The following RABGAP1L variants were observed in gnomAD, a reference collection of about 807,000 sequenced individuals.
RABGAP1L encodes rab GTPase-activating protein 1-like.
In RABGAP1L, 63 loss-of-function variants were observed where a neutral mutation model predicts 137.7. The observed-to-expected ratio is 0.46, with a 90% CI of 0.37 to 0.56. RABGAP1L has a LOEUF of 0.56. RABGAP1L is among the 20% of genes least tolerant of loss of function. RABGAP1L has a pLI of 0.00. For synonymous variants in RABGAP1L, 431 were observed against 433.7 expected, an observed-to-expected ratio of 0.99 and a Z score of 0.08; for missense variants, 1,095 against 1,244.0, an observed-to-expected ratio of 0.88 and a Z score of 1.80.
At position 174,639,622 on chromosome 1, in the gene RABGAP1L, A is replaced by G. The variant is rs1161131734; in HGVS notation, c.1824+2134A>G. ...TCAGCTTTTCTCTGATTGATACTAGATACTTTCTTCACATAACTAAAACAG... is the reference window on the plus strand; with the variant it reads ...TCAGCTTTTCTCTGATTGATACTAGGTACTTTCTTCACATAACTAAAACAG... On this transcript the variant is annotated intron_variant, in intron 14 of 25. Coordinates refer to ENST00000681986, the MANE Select transcript of RABGAP1L (RefSeq NM_001366446.1). 3.9e-5 allele frequency among the ~76,000 whole-genome samples: 6 copies of G among 152,190 alleles called. No individual in the cohort carries two copies. In the South Asian group the frequency reaches 8.3e-4, roughly 21 times the overall value.
At position 174,448,889 on chromosome 1, in the gene RABGAP1L, G is replaced by T; in HGVS notation, c.1710+54744G>T. The T allele has an allele frequency of 1.2e-6, 2 of 1,613,370 alleles. No individual in the cohort carries two copies. Among genetic ancestry groups the T allele is most frequent in the African/African-American group, 2.7e-5 (2 of 75,022 alleles). On this transcript the variant is annotated intron_variant, in intron 13 of 25. Coordinates refer to ENST00000681986, the MANE Select transcript of RABGAP1L (RefSeq NM_001366446.1). The surrounding 1 kb of genome is among the most constrained non-coding windows in gnomAD (Gnocchi z 4.2). The stretch of plus-strand genomic sequence containing the variant: ...TTCCAGAGAGACTGGACACAGCCCT[G>T]ACCGTCGCTACGCCATGGTTTTGTT...
At chr1:174,935,855 C>G (rs1664689393) in intron 19 of RABGAP1L, among the ~76,000 whole-genome samples, 1 of 151,914 alleles carries the variant, frequency 6.6e-6, no homozygotes, top group African/African-American at 2.4e-5. Flanking sequence ...GTGGCACATG[C>G]CTGTAATCCC....
intron 11 of RABGAP1L, among the ~76,000 whole-genome samples, chr1:174,363,710 A>G (rs560894989): frequency 8.6e-5 from 13 of 151,988 alleles, no homozygotes; most frequent in Admixed American, 7.2e-4. Flanking sequence ...TGTTATATTG[A>G]GGTATATTTC....
At chr1:174,663,994 A>G (rs1190861560) in intron 14 of RABGAP1L, among the ~76,000 whole-genome samples, 1 of 152,170 alleles carries the variant, frequency 6.6e-6, no homozygotes, top group Non-Finnish European at 1.5e-5. Flanking sequence ...AAAAATACAC[A>G]TTACGTAAGC....
chr1:174,437,327 A>G (rs1653498611), intron 13 of RABGAP1L, among the ~76,000 whole-genome samples: 1 of 152,180 alleles, frequency 6.6e-6, no homozygotes, highest in African/African-American at 2.4e-5. Flanking sequence ...TTGAAAAAAA[A>G]TTAGATGAAT....
chr1:174,571,330 G>A (rs1667964849), intron 13 of RABGAP1L, among the ~76,000 whole-genome samples: 1 of 152,058 alleles, frequency 6.6e-6, no homozygotes, highest in Non-Finnish European at 1.5e-5. Context: ...AAAATAATTA[G>A]AAAGAATGAG....
chr1:174,783,238 T>C (rs932658803), intron 18 of RABGAP1L, among the ~76,000 whole-genome samples: 1 of 152,222 alleles, frequency 6.6e-6, no homozygotes, highest in Non-Finnish European at 1.5e-5. Context: ...AGGTTTGTCC[T>C]ATTCTAGCCA....
At chr1:174,570,203 A>G (rs1296667268) in intron 13 of RABGAP1L, among the ~76,000 whole-genome samples, 1 of 152,226 alleles carries the variant, frequency 6.6e-6, no homozygotes, top group Non-Finnish European at 1.5e-5. Context: ...ATATTCATAG[A>G]TATTCTCAAC....
At chr1:174,805,965 C>G (rs946946515) in intron 18 of RABGAP1L, among the ~76,000 whole-genome samples, 12 of 152,166 alleles carry the variant, frequency 7.9e-5, no homozygotes, top group African/African-American at 2.7e-4. Context: ...TTATTTTACT[C>G]TTCCCTCGCC....
chr1:174,891,857 T>A (rs1052485280), intron 19 of RABGAP1L, among the ~76,000 whole-genome samples: 1 of 152,128 alleles, frequency 6.6e-6, no homozygotes, highest in African/African-American at 2.4e-5. Context: ...AAATAATATG[T>A]TGACTATAGA....
intron 20 of RABGAP1L, among the ~76,000 whole-genome samples, chr1:174,960,023 C>T (rs1332841849): frequency 1.3e-5 from 2 of 152,118 alleles, no homozygotes; most frequent in African/African-American, 4.8e-5. Context: ...AATGTAAACT[C>T]TTAAAAGACT....
chr1:174,531,019 G>C (rs1664355802), intron 13 of RABGAP1L, among the ~76,000 whole-genome samples: 1 of 152,112 alleles, frequency 6.6e-6, no homozygotes, highest in Non-Finnish European at 1.5e-5. Context: ...ACTCATAGCA[G>C]TAAAAAGAAC....
At chr1:174,696,007 G>A (rs1178564777) in intron 15 of RABGAP1L, among the ~76,000 whole-genome samples, 2 of 152,206 alleles carry the variant, frequency 1.3e-5, no homozygotes, top group East Asian at 3.9e-4. Flanking sequence ...GGTGACACAA[G>A]CACTAGCCAC....
intron 19 of RABGAP1L, among the ~76,000 whole-genome samples, chr1:174,946,228 C>A (rs139738067): frequency 1.3e-5 from 2 of 152,138 alleles, no homozygotes; most frequent in African/African-American, 4.8e-5. Flanking sequence ...AGGCTACTGA[C>A]GAGGCTTATC....
intron 13 of RABGAP1L, among the ~76,000 whole-genome samples, chr1:174,532,215 G>T (rs1664474044): frequency 3.5e-5 from 5 of 143,252 alleles, no homozygotes; most frequent in South Asian, 2.2e-4. Flanking sequence ...TTGTTTTTTT[G>T]TTTTTTTTTT....
chr1:174,574,884 A>G (rs1668253428), intron 13 of RABGAP1L, among the ~76,000 whole-genome samples: 1 of 152,160 alleles, frequency 6.6e-6, no homozygotes, highest in Non-Finnish European at 1.5e-5. Context: ...GGAAGAGTAG[A>G]CTGGATTTTC....
At chr1:174,436,035 TTTC>T (rs1222398460) in intron 13 of RABGAP1L, among the ~76,000 whole-genome samples, 1 of 152,206 alleles carries the variant, frequency 6.6e-6, no homozygotes, top group Non-Finnish European at 1.5e-5. Context: ...TGTGCCACAT[TTTC>T]TTAATCTAGT....
chr1:174,590,425 G>A lies in RABGAP1L; in HGVS notation c.1711-46950G>A, dbSNP rs1286979858. Among the ~76,000 whole-genome samples the A allele has an allele frequency of 5.7e-5, 6 of 104,580 alleles. No individual in the cohort carries two copies. In the East Asian group the frequency reaches 1.6e-3, roughly 28 times the overall value. 68.6% of individuals were successfully genotyped at this position (104,580 alleles called of 152,430 possible). A position where few individuals can be genotyped will look rare whatever the true frequency, so the allele number is the denominator to read the frequency against. The stretch of plus-strand genomic sequence containing the variant: ...GCAGGTTAGTTACATATGTATACAT[G>A]TGCCATGCTGGTGCGCTGCACCCAC... On this transcript the variant is annotated intron_variant, in intron 13 of 25. Coordinates refer to ENST00000681986, the MANE Select transcript of RABGAP1L (RefSeq NM_001366446.1).
In RABGAP1L at chr1:174,275,893, A is replaced by T. The variant is rs961824507; in HGVS notation, c.1114A>T (p.Asn372Tyr). Reference protein sequence around the residue: ...AYVITGMWNPNAPVFLALNEE... With the variant: ...AYVITGMWNPYAPVFLALNEE... ...TGTCATCACTGGCATGTGGAACCCC[A>T]ATGCACCAGTATTTCTGGCACTTAA... Residue 372 changes from asparagine (N) to tyrosine (Y), a missense_variant, in exon 9 of 26, where the codon AAT becomes TAT. Coordinates refer to ENST00000681986, the MANE Select transcript of RABGAP1L (RefSeq NM_001366446.1). 6.2e-7 allele frequency: 1 copy of T among 1,613,132 alleles called. No individual in the cohort carries two copies.
Sources: gnomAD v4.1 joint callset for allele counts (sites outside exome capture counted in the v4.1 genomes callset) on GRCh38, gnomAD v4.1.1 for gene constraint, Gnocchi (gnomAD v3.1) non-coding constraint, MANE v1.5 for transcripts, NCBI Gene and HGNC (gene_info 2026-07-23, HGNC 2026-07-21) for gene names.